Variants in VDAC1 observed in about 807,000 individuals in gnomAD.
VDAC1 encodes the protein non-selective voltage-gated ion channel VDAC1.
Under a neutral mutation model 34.7 loss-of-function variants are expected in VDAC1, and 10 were observed. That is an observed-to-expected ratio of 0.29 (90% CI 0.18 to 0.49). VDAC1 has a LOEUF of 0.49. Ranked by LOEUF, VDAC1 falls within the 20% of genes least tolerant of loss-of-function variation. The probability of loss-of-function intolerance (pLI) is 0.99; values close to 1 mark genes in which losing one functional copy is unlikely to be tolerated. For synonymous variants in VDAC1, 130 were observed against 136.0 expected (o/e 0.96, Z 0.30); for missense variants, 230 against 347.9 (o/e 0.66, Z 2.69).
chr5:134,038,264 A>C, the VDAC1 span, among the ~76,000 whole-genome samples: 1 of 152,380 alleles, frequency 6.6e-6, no homozygotes, highest in East Asian at 1.9e-4. Context: ...GGCCTGAAAG[A>C]ACTCAGAAAG....
chr5:134,046,003 TTC>T, the VDAC1 span, among the ~76,000 whole-genome samples: 1 of 148,880 alleles, frequency 6.7e-6, no homozygotes, highest in Non-Finnish European at 1.5e-5. Flanking sequence ...TTTTTTTTTT[TTC>T]CATTTTTATT....
chr5:133,993,452 T>C (rs1197859044), intron 1 of VDAC1, among the ~76,000 whole-genome samples: 1 of 152,220 alleles, frequency 6.6e-6, no homozygotes, highest in Non-Finnish European at 1.5e-5. Context: ...CGAATAGAAA[T>C]CAGAGCTTTT....
chr5:133,973,588 C>T (rs1303845225), intron 8 of VDAC1, among the ~76,000 whole-genome samples: 2 of 152,194 alleles, frequency 1.3e-5, no homozygotes, highest in African/African-American at 4.8e-5. Context: ...CTTTTTCCTC[C>T]TGCTTGCTAC....
the VDAC1 span, among the ~76,000 whole-genome samples, chr5:134,050,770 G>T: frequency 6.6e-6 from 1 of 152,190 alleles, no homozygotes; most frequent in Non-Finnish European, 1.5e-5. Context: ...GGAGATGAGG[G>T]TGTCACTGGG....
chr5:134,095,522 A>AAATAAATAAATC, the VDAC1 span, among the ~76,000 whole-genome samples: 13 of 150,936 alleles, frequency 8.6e-5, no homozygotes, highest in African/African-American at 2.7e-4. Context: ...ATAAATAAAT[A>AAATAAATAAATC]AATCCAAGAG....
At chr5:133,993,101 T>A in intron 1 of VDAC1, 83 bp from the exon 2 acceptor site, 1 of 1,382,068 alleles carries the variant, frequency 7.2e-7, no homozygotes. Context: ...TAGATGTAAT[T>A]AGCAACCAAT....
chr5:134,009,648 T>C (rs1753802221), upstream of VDAC1, among the ~76,000 whole-genome samples: 1 of 152,236 alleles, frequency 6.6e-6, no homozygotes, highest in Non-Finnish European at 1.5e-5. Flanking sequence ...TGGCTCTTTT[T>C]ACATTTCCCA....
chr5:134,062,615 G>GT, the VDAC1 span, among the ~76,000 whole-genome samples: 19,590 of 151,324 alleles, frequency 0.13, 2,683 homozygotes, highest in African/African-American at 0.34. Context: ...GCTTTTGTTT[G>GT]TTTTTTGTTT....
chr5:134,006,737 T>TGCC (rs1753758912), upstream of VDAC1, among the ~76,000 whole-genome samples: 1 of 40,990 alleles, frequency 2.4e-5, no homozygotes, highest in African/African-American at 9.1e-5. Context: ...AGTGACATTG[T>TGCC]CCCCCCCCCC....
chr5:134,102,135 A>AG, the VDAC1 span, among the ~76,000 whole-genome samples: 3,884 of 152,146 alleles, frequency 0.026, 167 homozygotes, highest in African/African-American at 0.089. Context: ...CCTGCAGTTG[A>AG]GAGGCACGGC....
At chr5:134,018,900 G>T in the VDAC1 span, among the ~76,000 whole-genome samples, 29 of 152,232 alleles carry the variant, frequency 1.9e-4, no homozygotes, top group African/African-American at 6.3e-4. Context: ...TTCCTGGTTG[G>T]CAAGACTCCA....
At chr5:134,043,810 G>A in the VDAC1 span, among the ~76,000 whole-genome samples, 1 of 152,126 alleles carries the variant, frequency 6.6e-6, no homozygotes, top group Admixed American at 6.6e-5. Context: ...TGGGACTACA[G>A]GTGTGAGCCA....
intron 2 of VDAC1, 75 bp downstream of exon 2, chr5:133,992,871 A>G: frequency 1.4e-6 from 2 of 1,456,452 alleles, no homozygotes; most frequent in Non-Finnish European, 9.4e-7. Context: ...GGTCTCCTAA[A>G]CAGTTATCGG....
chr5:134,093,360 T>A, the VDAC1 span, among the ~76,000 whole-genome samples: 4 of 151,256 alleles, frequency 2.6e-5, no homozygotes, highest in Non-Finnish European at 4.4e-5. Context: ...CGCATATAAG[T>A]GTGTGTGTGT....
At chr5:134,031,538 T>G in the VDAC1 span, among the ~76,000 whole-genome samples, 10 of 152,158 alleles carry the variant, frequency 6.6e-5, no homozygotes, top group African/African-American at 2.4e-4. Flanking sequence ...AGTAAGATGC[T>G]ACTCTGGGCC....
the VDAC1 span, among the ~76,000 whole-genome samples, chr5:134,066,972 T>C: frequency 6.6e-6 from 1 of 152,182 alleles, no homozygotes; most frequent in Non-Finnish European, 1.5e-5. Flanking sequence ...GGTTAAGTAA[T>C]AAATTTTGCC....
the VDAC1 span, among the ~76,000 whole-genome samples, chr5:134,026,122 C>A: frequency 6.6e-6 from 1 of 152,134 alleles, no homozygotes; most frequent in African/African-American, 2.4e-5. Context: ...AACATCCAAG[C>A]CCTGAATTAG....
intron 1 of VDAC1, among the ~76,000 whole-genome samples, chr5:134,000,978 T>C (rs1753528372): frequency 6.6e-6 from 1 of 152,170 alleles, no homozygotes; most frequent in Admixed American, 6.5e-5. Context: ...AAACGGACCC[T>C]TATAATAGAC....
chr5:134,112,700 AAAGG>A, the VDAC1 span, among the ~76,000 whole-genome samples: 3 of 152,244 alleles, frequency 2.0e-5, no homozygotes, highest in African/African-American at 7.2e-5. Flanking sequence ...TTTAGTAAAG[AAAGG>A]ATGTTTTCAC....
Sources: allele counts gnomAD v4.1 joint callset (sites outside exome capture counted in the v4.1 genomes callset), GRCh38; gene constraint gnomAD v4.1.1; transcripts MANE v1.5; gene names NCBI Gene and HGNC (gene_info 2026-07-23, HGNC 2026-07-21).